The following OPCML variants were observed in gnomAD, a reference collection of about 807,000 sequenced individuals.
OPCML encodes opioid-binding protein/cell adhesion molecule.
OPCML carries 13 observed loss-of-function variants against 37.8 expected under a neutral mutation model. That is an observed-to-expected ratio of 0.34 (90% CI 0.22 to 0.55). The LOEUF (loss-of-function observed/expected upper bound fraction) is 0.55. Ranked by LOEUF, OPCML falls within the 20% of genes least tolerant of loss-of-function variation. The pLI is 0.91. For synonymous variants in OPCML, 176 were observed against 168.8 expected (o/e 1.04, Z -0.33); for missense variants, 341 against 435.6 (o/e 0.78, Z 1.93).
intron 2 of OPCML, among the ~76,000 whole-genome samples, chr11:132,926,790 T>C (rs988671877): frequency 5.3e-5 from 8 of 151,956 alleles, no homozygotes; most frequent in African/African-American, 1.9e-4. Context: ...GCCTTACATA[T>C]GCTCAGAGAG....
chr11:133,379,864 TC>T (rs1178598993), intron 1 of OPCML, among the ~76,000 whole-genome samples: 1 of 152,166 alleles, frequency 6.6e-6, no homozygotes, highest in Non-Finnish European at 1.5e-5. Context: ...ACCCAACACC[TC>T]CCCAGCTTAA....
chr11:133,200,657 G>A (rs747825877), intron 1 of OPCML, among the ~76,000 whole-genome samples: 9 of 152,264 alleles, frequency 5.9e-5, no homozygotes, highest in South Asian at 2.1e-4. Flanking sequence ...AGTTACTAAT[G>A]TATGTTTGCC....
At chr11:132,469,300 G>A (rs1400465662) in intron 4 of OPCML, among the ~76,000 whole-genome samples, 8 of 152,150 alleles carry the variant, frequency 5.3e-5, no homozygotes, top group South Asian at 2.1e-4. Context: ...AACTGGGTGC[G>A]ACATGGAGAG....
At chr11:133,334,204 G>A (rs1943690196) in intron 1 of OPCML, among the ~76,000 whole-genome samples, 1 of 152,134 alleles carries the variant, frequency 6.6e-6, no homozygotes, top group Non-Finnish European at 1.5e-5. Flanking sequence ...AATATTCATT[G>A]CAGCACTCTT....
At chr11:133,223,285 G>A (rs1437983591) in intron 1 of OPCML, among the ~76,000 whole-genome samples, 1 of 152,230 alleles carries the variant, frequency 6.6e-6, no homozygotes, top group Non-Finnish European at 1.5e-5. Context: ...TTTACAACCA[G>A]TTCTGGGTAC....
At chr11:132,772,505 T>C (rs1946673391) in intron 2 of OPCML, 1 of 152,104 alleles carries the variant, frequency 6.6e-6, no homozygotes, top group African/African-American at 2.4e-5. Context: ...TGGGAACCTT[T>C]GTATGAATGG....
At chr11:133,487,286 T>C (rs117922164) in intron 1 of OPCML, among the ~76,000 whole-genome samples, 1 of 152,238 alleles carries the variant, frequency 6.6e-6, no homozygotes, top group East Asian at 1.9e-4. Context: ...GAGAAAATAC[T>C]TCATCTTGCA....
intron 2 of OPCML, among the ~76,000 whole-genome samples, chr11:132,738,979 GA>G (rs905630923): frequency 6.6e-6 from 1 of 151,632 alleles, no homozygotes; most frequent in Admixed American, 6.6e-5. Context: ...ACAGCAGATG[GA>G]AAAAAAAGCC....
chr11:132,967,207 C>CT (rs1249747159), intron 1 of OPCML, among the ~76,000 whole-genome samples: 1 of 152,056 alleles, frequency 6.6e-6, no homozygotes, highest in Non-Finnish European at 1.5e-5. Context: ...CTAGGACTTA[C>CT]TGTATATGTC....
chr11:132,577,563 C>T (rs778586304), intron 3 of OPCML, among the ~76,000 whole-genome samples: 1 of 152,042 alleles, frequency 6.6e-6, no homozygotes, highest in African/African-American at 2.4e-5. Flanking sequence ...GCAATGAATA[C>T]CCTACCGAAA....
intron 3 of OPCML, among the ~76,000 whole-genome samples, chr11:132,548,063 G>C: frequency 6.6e-6 from 1 of 152,166 alleles, no homozygotes; most frequent in Non-Finnish European, 1.5e-5. Flanking sequence ...CATTTGGGAG[G>C]ATTCAAAGCA....
intron 2 of OPCML, among the ~76,000 whole-genome samples, chr11:132,701,768 G>GTC (rs1201726842): frequency 7.4e-6 from 1 of 134,838 alleles, no homozygotes; most frequent in Non-Finnish European, 1.5e-5. Context: ...ATGATTGTGT[G>GTC]TGTGTGTGTG....
chr11:132,489,534 A>G (rs1430684951), intron 4 of OPCML, among the ~76,000 whole-genome samples: 1 of 152,184 alleles, frequency 6.6e-6, no homozygotes, highest in Non-Finnish European at 1.5e-5. Flanking sequence ...GTTGGGCTAT[A>G]CCAGTGTCAC....
At chr11:132,628,944 A>C (rs1322953778) in intron 3 of OPCML, among the ~76,000 whole-genome samples, 1 of 152,102 alleles carries the variant, frequency 6.6e-6, no homozygotes, top group Non-Finnish European at 1.5e-5. Context: ...AACCATGCTG[A>C]ATTAAACCTC....
intron 1 of OPCML, among the ~76,000 whole-genome samples, chr11:133,260,228 G>A (rs1941449141): frequency 6.6e-6 from 1 of 151,890 alleles, no homozygotes; most frequent in South Asian, 2.1e-4. Context: ...GTGAGTGGAG[G>A]GAAGGAGGTG....
At chr11:133,184,446 G>T (rs1937980635) in intron 1 of OPCML, among the ~76,000 whole-genome samples, 1 of 152,240 alleles carries the variant, frequency 6.6e-6, no homozygotes, top group South Asian at 2.1e-4. Context: ...GATGGGGAAG[G>T]GGTGGCTGAA....
intron 4 of OPCML, among the ~76,000 whole-genome samples, chr11:132,474,596 C>T (rs530371822): frequency 6.6e-6 from 1 of 152,126 alleles, no homozygotes; most frequent in East Asian, 1.9e-4. Context: ...TTTGGAGGAA[C>T]CAGAAATTTT....
At chr11:133,129,719 ATAGC>A (rs1233971034) in intron 1 of OPCML, among the ~76,000 whole-genome samples, 2 of 152,130 alleles carry the variant, frequency 1.3e-5, no homozygotes, top group Non-Finnish European at 2.9e-5. Context: ...CCTGGGCAAC[ATAGC>A]AAGAACCCAT....
intron 7 of OPCML, among the ~76,000 whole-genome samples, chr11:132,424,434 A>C (rs1270232143): frequency 1.3e-5 from 2 of 152,144 alleles, no homozygotes; most frequent in African/African-American, 2.4e-5. Context: ...GCAGATTTTT[A>C]ATGACATATT....
Sources: gnomAD v4.1 joint callset for allele counts (sites outside exome capture counted in the v4.1 genomes callset) on GRCh38, gnomAD v4.1.1 for gene constraint, MANE v1.5 for transcripts, NCBI Gene and HGNC (gene_info 2026-07-23, HGNC 2026-07-21) for gene names.